PTTG1IP2: variants seen among roughly 807,000 people sequenced by gnomAD.
The protein encoded by PTTG1IP2 is PTTG1IP family member 2.
chr7:90,485,187 A>T (rs180722630), intron 2 of PTTG1IP2, among the ~76,000 whole-genome samples: 15 of 152,340 alleles, frequency 9.8e-5, no homozygotes, highest in Non-Finnish European at 1.6e-4. Context: ...AGTAGCAGAC[A>T]GATTTTAAAA....
At chr7:90,470,417 G>C (rs1428215507) in intron 1 of PTTG1IP2, 1 of 152,146 alleles carries the variant, frequency 6.6e-6, no homozygotes, top group Non-Finnish European at 1.5e-5. Context: ...AAGTCATGCT[G>C]AGTTAAATTC....
chr7:90,509,737 C>T (rs576309831), intron 6 of PTTG1IP2, among the ~76,000 whole-genome samples: 12 of 152,158 alleles, frequency 7.9e-5, no homozygotes, highest in East Asian at 3.9e-4. Context: ...TGTGATTTCC[C>T]GCAAGAAGCT....
rs1414126734 is a variant in PTTG1IP2 at position 90,505,782 on chromosome 7, A to T, written c.*51-7496A>T. ...GGTGGATCATGAGGTCAGGAGATCGAGACCATCCTGGCTAACAAGGTGAAA... is the reference window on the plus strand; with the variant it reads ...GGTGGATCATGAGGTCAGGAGATCGTGACCATCCTGGCTAACAAGGTGAAA... On this transcript the variant is annotated intron_variant, in intron 6 of 6. Coordinates refer to ENST00000509356, the MANE Select transcript of PTTG1IP2 (RefSeq NM_001365443.2). Among the ~76,000 whole-genome samples the T allele has an allele frequency of 3.9e-5, 6 of 151,952 alleles. No homozygotes were observed. In the East Asian group the frequency reaches 9.7e-4, roughly 25 times the overall value.
chr7:90,475,963 A>G (rs1797744164), intron 1 of PTTG1IP2, among the ~76,000 whole-genome samples: 1 of 152,048 alleles, frequency 6.6e-6, no homozygotes, highest in Non-Finnish European at 1.5e-5. Context: ...AGAAAAAGAA[A>G]AATATCTTTA....
chr7:90,500,875 C>T (rs993030171), intron 6 of PTTG1IP2, among the ~76,000 whole-genome samples: 4 of 152,190 alleles, frequency 2.6e-5, no homozygotes, highest in African/African-American at 9.7e-5. Flanking sequence ...CCATAGCATC[C>T]ACCACAACAT....
rs1797659171 is a variant in PTTG1IP2, at chr7:90,469,730, A to C, written c.-57A>C. ...CTCTGGGCGGGTCTCAGTGTCCAACACTGTAGCTGGTGCCTGCCAGGTTCC... is the reference window on the plus strand; with the variant it reads ...CTCTGGGCGGGTCTCAGTGTCCAACCCTGTAGCTGGTGCCTGCCAGGTTCC... On this transcript the variant is annotated 5_prime_UTR_variant, in exon 1 of 7. Coordinates refer to ENST00000509356, the MANE Select transcript of PTTG1IP2 (RefSeq NM_001365443.2). The C allele has an allele frequency of 6.6e-6, 1 of 152,592 alleles. No homozygotes were observed. Among genetic ancestry groups the C allele is most frequent in the Non-Finnish European group, 1.5e-5 (1 of 68,068 alleles). The allele number at this position is 152,592 out of a possible 1,614,324, so 9.5% of individuals were successfully genotyped here. A position where few individuals can be genotyped will look rare whatever the true frequency, so the allele number is the denominator to read the frequency against.
intron 3 of PTTG1IP2, among the ~76,000 whole-genome samples, chr7:90,488,385 A>G (rs1797900956): frequency 6.6e-6 from 1 of 152,062 alleles, no homozygotes; most frequent in East Asian, 1.9e-4. Context: ...CTAATAAACT[A>G]CATTGTGCTT....
At chr7:90,512,169 G>C (rs1441840923) in intron 6 of PTTG1IP2, among the ~76,000 whole-genome samples, 1 of 152,172 alleles carries the variant, frequency 6.6e-6, no homozygotes, top group Non-Finnish European at 1.5e-5. Flanking sequence ...AACATTTATT[G>C]AGCTTTTGCC....
intron 6 of PTTG1IP2, among the ~76,000 whole-genome samples, chr7:90,500,494 C>A (rs1036757275): frequency 6.6e-6 from 1 of 152,084 alleles, no homozygotes; most frequent in Non-Finnish European, 1.5e-5. Context: ...AAGTTGGGAT[C>A]CCCAAGAACT....
intron 2 of PTTG1IP2, among the ~76,000 whole-genome samples, chr7:90,483,316 C>A (rs1028260900): frequency 2.0e-5 from 3 of 152,120 alleles, no homozygotes; most frequent in African/African-American, 4.8e-5. Flanking sequence ...TCACCTGAAC[C>A]AATTCAATAT....
chr7:90,480,489 A>AT (rs1037300745), intron 2 of PTTG1IP2, among the ~76,000 whole-genome samples: 1 of 152,112 alleles, frequency 6.6e-6, no homozygotes, highest in African/African-American at 2.4e-5. Context: ...ATCTTGGTCA[A>AT]TTTTTTTAAT....
At chr7:90,482,707 A>G (rs1371109175) in intron 2 of PTTG1IP2, among the ~76,000 whole-genome samples, 1 of 152,164 alleles carries the variant, frequency 6.6e-6, no homozygotes. Flanking sequence ...TGGTGTCACA[A>G]TGATAAGACT....
chr7:90,488,164 A>G (rs193250868), intron 3 of PTTG1IP2, among the ~76,000 whole-genome samples: 19 of 152,180 alleles, frequency 1.2e-4, no homozygotes, highest in Non-Finnish European at 2.1e-4. Flanking sequence ...AAAAAACCCA[A>G]TCTAGAACAA....
intron 6 of PTTG1IP2, among the ~76,000 whole-genome samples, chr7:90,505,565 C>T (rs1020010347): frequency 2.7e-4 from 41 of 152,198 alleles, no homozygotes; most frequent in African/African-American, 9.2e-4. Context: ...CCTACTGTTT[C>T]CTTCTGGTAG....
intron 1 of PTTG1IP2, among the ~76,000 whole-genome samples, chr7:90,478,096 CAAAAAAAAA>C (rs370035849): frequency 2.9e-5 from 2 of 68,054 alleles, no homozygotes; most frequent in South Asian, 5.2e-4. Context: ...GACTCCGTCT[CAAAAAAAAA>C]AAAAAAAAAA....
At chr7:90,477,583 A>C (rs1797762301) in intron 1 of PTTG1IP2, among the ~76,000 whole-genome samples, 1 of 152,238 alleles carries the variant, frequency 6.6e-6, no homozygotes, top group Non-Finnish European at 1.5e-5. Flanking sequence ...AGTAGTCCTC[A>C]AAACTGTCAA....
chr7:90,470,183 C>G (rs1019666478), intron 1 of PTTG1IP2: 2 of 152,234 alleles, frequency 1.3e-5, no homozygotes, highest in South Asian at 2.1e-4. Context: ...GGTTTCTCCC[C>G]CATCACTTTC....
rs1192408892 is a variant in PTTG1IP2, at chr7:90,492,321, C to T, written c.451+12C>T. The T allele has an allele frequency of 2.6e-5, 4 of 152,188 alleles. No individual in the cohort carries two copies. Among genetic ancestry groups the T allele is most frequent in the South Asian group, 2.1e-4 (1 of 4,818 alleles). 9.4% of individuals were successfully genotyped at this position (152,188 alleles called of 1,614,324 possible). A position where few individuals can be genotyped will look rare whatever the true frequency, so the allele number is the denominator to read the frequency against. On this transcript the variant is annotated intron_variant, in intron 5 of 6. Coordinates refer to ENST00000509356, the MANE Select transcript of PTTG1IP2 (RefSeq NM_001365443.2). ...CCGCAGTGCTACTGGCAAGTGTTTT[C>T]GTTTATTTGATGGAATGTCCCAGAC... is the stretch of plus-strand genomic sequence containing the variant.
intron 2 of PTTG1IP2, among the ~76,000 whole-genome samples, chr7:90,481,796 G>GT (rs1797818199): frequency 1.3e-5 from 2 of 152,020 alleles, no homozygotes; most frequent in South Asian, 4.1e-4. Context: ...CAGAGTCCAT[G>GT]TTTTTTTATT....
Sources: gnomAD v4.1 joint callset for allele counts (sites outside exome capture counted in the v4.1 genomes callset) on GRCh38, gnomAD v4.1.1 for gene constraint, MANE v1.5 for transcripts, NCBI Gene and HGNC (gene_info 2026-07-23, HGNC 2026-07-21) for gene names.